Variants in SH3RF3 observed in about 807,000 individuals in gnomAD.
SH3RF3 encodes SH3 domain containing ring finger 3, also known as E3 ubiquitin-protein ligase SH3RF3.
Under a neutral mutation model 66.3 loss-of-function variants are expected in SH3RF3, and 29 were observed. That is an observed-to-expected ratio of 0.44 (90% confidence interval 0.33 to 0.60). The LOEUF is 0.60. Among genes scored for constraint, SH3RF3 ranks in the 20% least tolerant of loss-of-function variants. SH3RF3 has a pLI of 0.04. For synonymous variants in SH3RF3, 583 were observed against 532.0 expected (o/e 1.10, Z -1.32); for missense variants, 1,194 against 1,190.9 (o/e 1.00, Z -0.04).
intron 8 of SH3RF3, among the ~76,000 whole-genome samples, chr2:109,458,601 A>AGAGAG: frequency 6.7e-6 from 1 of 149,040 alleles, no homozygotes; most frequent in African/African-American, 2.5e-5. Flanking sequence ...AGAGAGAGAG[A>AGAGAG]ATTTATTTAT....
chr2:109,447,209 A>G (rs1357948151), intron 7 of SH3RF3, among the ~76,000 whole-genome samples: 4 of 151,690 alleles, frequency 2.6e-5, no homozygotes, highest in Non-Finnish European at 5.9e-5. Flanking sequence ...AAAAACCCAC[A>G]TAAATCAGCC....
At chr2:109,413,840 C>T (rs1014802983) in intron 4 of SH3RF3, among the ~76,000 whole-genome samples, 20 of 152,196 alleles carry the variant, frequency 1.3e-4, no homozygotes, top group Non-Finnish European at 2.8e-4. Flanking sequence ...TGAGGGCTTT[C>T]CCTGCAGGGA....
chr2:109,248,329 A>T (rs1558980325), intron 1 of SH3RF3, among the ~76,000 whole-genome samples: 1 of 152,130 alleles, frequency 6.6e-6, no homozygotes, highest in Non-Finnish European at 1.5e-5. Context: ...CCTTGAAGCC[A>T]TACAGATATT....
At chr2:109,494,123 C>T (rs1435765989) in intron 9 of SH3RF3, among the ~76,000 whole-genome samples, 1 of 152,174 alleles carries the variant, frequency 6.6e-6, no homozygotes, top group Non-Finnish European at 1.5e-5. Flanking sequence ...TCCCCAGACC[C>T]CTCAACTTTA....
intron 1 of SH3RF3, among the ~76,000 whole-genome samples, chr2:109,215,076 G>A (rs753843090): frequency 2.6e-5 from 4 of 152,194 alleles, no homozygotes; most frequent in Non-Finnish European, 5.9e-5. Context: ...AATGAGCAGC[G>A]TTAAACCTTC....
chr2:109,338,579 A>G (rs1007858436), intron 1 of SH3RF3, among the ~76,000 whole-genome samples: 1 of 152,070 alleles, frequency 6.6e-6, no homozygotes, highest in African/African-American at 2.4e-5. Context: ...ATTTTTTGAG[A>G]CAGAACCTCA....
chr2:109,243,385 C>T (rs995306895), intron 1 of SH3RF3, among the ~76,000 whole-genome samples: 4 of 152,234 alleles, frequency 2.6e-5, no homozygotes, highest in Non-Finnish European at 4.4e-5. Flanking sequence ...TCCCGGGGCA[C>T]ATGCTGGAGT....
chr2:109,224,512 G>A (rs1679325855), intron 1 of SH3RF3, among the ~76,000 whole-genome samples: 1 of 152,182 alleles, frequency 6.6e-6, no homozygotes, highest in Non-Finnish European at 1.5e-5. Flanking sequence ...ACCAGCCACA[G>A]GTGACTACTG....
intron 1 of SH3RF3, among the ~76,000 whole-genome samples, chr2:109,334,560 G>T (rs62152235): frequency 2.0e-5 from 3 of 152,028 alleles, no homozygotes; most frequent in Non-Finnish European, 2.9e-5. Flanking sequence ...ACCCTCACCC[G>T]CTCCGGGGAT....
chr2:109,232,045 A>C (rs1225687035), intron 1 of SH3RF3, among the ~76,000 whole-genome samples: 1 of 152,188 alleles, frequency 6.6e-6, no homozygotes, highest in Non-Finnish European at 1.5e-5. Flanking sequence ...GATGATGGAC[A>C]TTTGGGTTGT....
intron 3 of SH3RF3, among the ~76,000 whole-genome samples, chr2:109,373,857 G>A (rs1224736281): frequency 2.0e-5 from 3 of 152,278 alleles, no homozygotes; most frequent in East Asian, 1.9e-4. Context: ...TGAAGGCTGC[G>A]TTGGGCCCCT....
At chr2:109,199,607 T>TCAACGCGAGTGCAGG (rs1558953948) in intron 1 of SH3RF3, among the ~76,000 whole-genome samples, 2 of 276 alleles carry the variant, frequency 7.2e-3, no homozygotes, top group African/African-American at 0.012. Flanking sequence ...TGGAATGGAA[T>TCAACGCGAGTGCAGG]GGAATGGAAT....
intron 2 of SH3RF3, among the ~76,000 whole-genome samples, chr2:109,369,762 C>T (rs1683225512): frequency 6.6e-6 from 1 of 152,198 alleles, no homozygotes; most frequent in Non-Finnish European, 1.5e-5. Flanking sequence ...AATGCTGCCT[C>T]AACTCGGATG....
At chr2:109,183,940 T>G (rs1678127428) in intron 1 of SH3RF3, among the ~76,000 whole-genome samples, 1 of 152,136 alleles carries the variant, frequency 6.6e-6, no homozygotes, top group Non-Finnish European at 1.5e-5. Context: ...CAGTTGCAGG[T>G]GAGTGCCCCA....
chr2:109,414,256 T>TA (rs547790498), intron 4 of SH3RF3, among the ~76,000 whole-genome samples: 2 of 152,332 alleles, frequency 1.3e-5, no homozygotes, highest in African/African-American at 4.8e-5. Flanking sequence ...TCTGTGTACT[T>TA]AGAGTGACTG....
intron 1 of SH3RF3, among the ~76,000 whole-genome samples, chr2:109,338,078 T>G (rs577131294): frequency 4.7e-4 from 71 of 152,260 alleles, no homozygotes; most frequent in Non-Finnish European, 8.7e-4. Flanking sequence ...TCATGTGATG[T>G]GGAGAACTTT....
At chr2:109,293,872 C>T (rs1164963476) in intron 1 of SH3RF3, among the ~76,000 whole-genome samples, 3 of 152,192 alleles carry the variant, frequency 2.0e-5, no homozygotes, top group Admixed American at 6.5e-5. Context: ...TCACATTTCC[C>T]TCCTGTGAAA....
chr2:109,474,935 C>G (rs1385357650), intron 8 of SH3RF3, among the ~76,000 whole-genome samples: 7 of 152,208 alleles, frequency 4.6e-5, no homozygotes, highest in Admixed American at 3.9e-4. Flanking sequence ...TAGCACCTTT[C>G]AGTGTTTTTT....
chr2:109,279,920 TG>T (rs1680843615), intron 1 of SH3RF3, among the ~76,000 whole-genome samples: 1 of 149,544 alleles, frequency 6.7e-6, no homozygotes, highest in Admixed American at 6.7e-5. Context: ...GGGAGGTAAT[TG>T]GGGGGCGGTA....
Sources: allele counts gnomAD v4.1 joint callset (sites outside exome capture counted in the v4.1 genomes callset), GRCh38; gene constraint gnomAD v4.1.1; transcripts MANE v1.5; gene names NCBI Gene and HGNC (gene_info 2026-07-23, HGNC 2026-07-21).